Variants in ANKH observed in about 807,000 individuals in gnomAD.
ANKH encodes mineralization regulator ANKH.
In ANKH, 15 loss-of-function variants were observed where a neutral mutation model predicts 49.0. That is an observed-to-expected ratio of 0.31 (90% CI 0.20 to 0.47). The LOEUF is 0.47. Among genes scored for constraint, ANKH ranks in the 20% least tolerant of loss-of-function variants. ANKH has a pLI of 1.00. For missense variants in ANKH, 429 were observed against 652.0 expected (o/e 0.66, Z 3.72); for synonymous variants, 273 against 260.0 (o/e 1.05, Z -0.48).
intron 1 of ANKH, among the ~76,000 whole-genome samples, chr5:14,771,529 G>A (rs1242491882): frequency 1.3e-5 from 2 of 152,148 alleles, no homozygotes; most frequent in African/African-American, 4.8e-5. Context: ...CTGGCTCTGG[G>A]TCGCTTCTTT....
At chr5:14,796,310 A>T (rs188707365) in intron 1 of ANKH, among the ~76,000 whole-genome samples, 8,366 of 151,610 alleles carry the variant, frequency 0.055, 257 homozygotes, top group South Asian at 0.07. Context: ...CAAACTCCTA[A>T]AAAAAAAGCA....
chr5:14,731,095 C>T (rs947682743), intron 8 of ANKH, among the ~76,000 whole-genome samples: 4 of 152,180 alleles, frequency 2.6e-5, no homozygotes, highest in Non-Finnish European at 2.9e-5. Flanking sequence ...CCAACACGGG[C>T]GTGAAAGGCC....
chr5:14,718,559 C>G (rs1346309654), intron 8 of ANKH, among the ~76,000 whole-genome samples: 1 of 152,124 alleles, frequency 6.6e-6, no homozygotes, highest in African/African-American at 2.4e-5. Flanking sequence ...GGCTGTAATC[C>G]CAGCAGTTTG....
chr5:14,759,138 T>C (rs1387575839), intron 2 of ANKH, among the ~76,000 whole-genome samples: 1 of 152,234 alleles, frequency 6.6e-6, no homozygotes, highest in East Asian at 1.9e-4. Context: ...TAAAGCTAGC[T>C]TTTTCACACT....
intron 1 of ANKH, chr5:14,870,167 G>A (rs1735773650): frequency 6.6e-6 from 1 of 152,172 alleles, no homozygotes; most frequent in African/African-American, 2.4e-5. Context: ...TAGAGAATAT[G>A]CCATATTGTG....
At chr5:14,806,115 C>T (rs1740702053) in intron 1 of ANKH, among the ~76,000 whole-genome samples, 1 of 152,096 alleles carries the variant, frequency 6.6e-6, no homozygotes, top group Non-Finnish European at 1.5e-5. Flanking sequence ...TCAATTCTTC[C>T]ACCCTTCTGC....
At chr5:14,799,801 A>G (rs547180427) in intron 1 of ANKH, among the ~76,000 whole-genome samples, 4 of 152,230 alleles carry the variant, frequency 2.6e-5, no homozygotes, top group Non-Finnish European at 5.9e-5. Context: ...TGTTGTTTTC[A>G]TGACTGCTAA....
At chr5:14,850,342 T>G (rs1162014996) in intron 1 of ANKH, among the ~76,000 whole-genome samples, 1 of 152,236 alleles carries the variant, frequency 6.6e-6, no homozygotes, top group Non-Finnish European at 1.5e-5. Flanking sequence ...TAGGAAGTAA[T>G]CTAATAAATT....
intron 1 of ANKH, among the ~76,000 whole-genome samples, chr5:14,779,388 T>C (rs1739736043): frequency 6.6e-6 from 1 of 152,170 alleles, no homozygotes; most frequent in African/African-American, 2.4e-5. Flanking sequence ...TCCCACCCTC[T>C]TTCTTGTCTT....
chr5:14,738,456 G>A (rs905833707), intron 8 of ANKH, among the ~76,000 whole-genome samples: 7 of 152,202 alleles, frequency 4.6e-5, no homozygotes, highest in East Asian at 1.9e-4. Flanking sequence ...CCAAAGCAGC[G>A]GAGTGTGGGA....
In ANKH at chr5:14,725,618, T is replaced by C. The variant is rs1580008735; in HGVS notation, c.1012-8783A>G. Among the ~76,000 whole-genome samples, 1 of 152,372 alleles carries C rather than the reference T, an allele frequency of 6.6e-6. No individual in the cohort carries two copies. The highest frequency in any genetic ancestry group is 3.4e-3 in the Middle Eastern group (1 of 294). ...CCTGTGAGTATTCCAGAAGGTTTCC[T>C]GGGACCGTATTCTAACAAAACGCTA... On this transcript the variant is annotated intron_variant, in intron 8 of 11. Transcript: ENST00000284268. This position sits in a 1 kb window ranked among gnomAD's most constrained non-coding sequence, Gnocchi z 4.0.
intron 1 of ANKH, among the ~76,000 whole-genome samples, chr5:14,816,650 G>GGGTT (rs1229193336): frequency 2.0e-5 from 3 of 152,176 alleles, no homozygotes; most frequent in African/African-American, 7.2e-5. Flanking sequence ...GGAGGCCCAA[G>GGGTT]GGTTTCAGTC....
At chr5:14,744,047 C>T (rs1738450728) in intron 7 of ANKH, among the ~76,000 whole-genome samples, 1 of 152,188 alleles carries the variant, frequency 6.6e-6, no homozygotes, top group South Asian at 2.1e-4. Context: ...TGAAATTTAG[C>T]AAGAAGACAT....
At chr5:14,776,059 G>C (rs563034936) in intron 1 of ANKH, among the ~76,000 whole-genome samples, 1 of 152,202 alleles carries the variant, frequency 6.6e-6, no homozygotes, top group Admixed American at 6.5e-5. Flanking sequence ...GGGTCCCAAC[G>C]CCTGGCTCAT....
chr5:14,813,963 C>G (rs948156361), intron 1 of ANKH, among the ~76,000 whole-genome samples: 1 of 152,186 alleles, frequency 6.6e-6, no homozygotes, highest in Non-Finnish European at 1.5e-5. Context: ...AGCATCACAG[C>G]TGCCACTTCC....
intron 1 of ANKH, among the ~76,000 whole-genome samples, chr5:14,865,330 T>G (rs2453317): frequency 0.92 from 140,407 of 152,150 alleles, 64,928 homozygotes; most frequent in African/African-American, 0.98. Context: ...AATTGTTAAA[T>G]GAGTTTTAGG....
chr5:14,752,034 G>C (rs1738736812), intron 4 of ANKH, among the ~76,000 whole-genome samples: 1 of 152,194 alleles, frequency 6.6e-6, no homozygotes. Flanking sequence ...TGGGCTGGGT[G>C]CCATGGCTCA....
At position 14,856,757 on chromosome 5, in the gene ANKH, C is replaced by T. The variant is rs181656439; in HGVS notation, c.96+14595G>A. Among the ~76,000 whole-genome samples, 4 of 152,292 alleles carry T rather than the reference C, an allele frequency of 2.6e-5. No individual in the cohort carries two copies. In the East Asian group the frequency reaches 5.8e-4, roughly 22 times the overall value. The stretch of plus-strand genomic sequence containing the variant: ...AATATCACCAGCTCTGCTTTTCTCT[C>T]GCAGGCTGTCAATACCAAAATTCAC... On this transcript the variant is annotated intron_variant, in intron 1 of 11. Transcript: ENST00000284268.
chr5:14,859,490 T>C (rs1735414090), intron 1 of ANKH, among the ~76,000 whole-genome samples: 1 of 152,234 alleles, frequency 6.6e-6, no homozygotes, highest in African/African-American at 2.4e-5. Context: ...ATGTGTACCA[T>C]TGGAAACAAT....
Sources: gnomAD v4.1 joint callset for allele counts (sites outside exome capture counted in the v4.1 genomes callset) on GRCh38, gnomAD v4.1.1 for gene constraint, Gnocchi (gnomAD v3.1) non-coding constraint, MANE v1.5 for transcripts, NCBI Gene and HGNC (gene_info 2026-07-23, HGNC 2026-07-21) for gene names.